The following ARNT variants were observed in gnomAD, a reference collection of about 807,000 sequenced individuals.
The protein encoded by ARNT is class E basic helix-loop-helix protein 2.
ARNT carries 30 observed loss-of-function variants against 105.0 expected under a neutral mutation model. The ratio of observed to expected loss-of-function variants is 0.29; its 90% CI spans 0.21 to 0.39. The LOEUF (loss-of-function observed/expected upper bound fraction) is 0.39. Among genes scored for constraint, ARNT ranks in the 10% least tolerant of loss-of-function variants. ARNT has a pLI of 1.00. For missense variants in ARNT, 748 were observed against 978.7 expected (o/e 0.76, Z 3.15); for synonymous variants, 304 against 344.0 (o/e 0.88, Z 1.29).
At position 150,814,148 on chromosome 1, in the gene ARNT, A is replaced by C. The variant is rs769627388; in HGVS notation, c.2042T>G (p.Leu681Arg). 7.4e-6 allele frequency: 12 copies of C among 1,614,054 alleles called. No homozygotes were observed. Among genetic ancestry groups the C allele is most frequent in the Admixed American group, 1.7e-5 (1 of 60,006 alleles). The change falls in exon 20 of 22, where the codon CTC becomes CGC. Residue 681 changes from leucine to arginine, a missense_variant. Around this residue, in one of 4 missense-constraint regions of ARNT, gnomAD observed 360 missense variants for 411.9 expected, o/e 0.87. Coordinates refer to ENST00000358595, the MANE Select transcript of ARNT (RefSeq NM_001668.4). ...AGGCGATGCAGTTGGGGCACCAGGG[A>C]GGGACATGGAGCTGAAGGAGGATGG... ...QTPSSFSSMS[L>R]PGAPTASPGA...
chr1:150,846,115 T>G, intron 4 of ARNT, 148 bp downstream of exon 4: 1 of 618,176 alleles, frequency 1.6e-6, no homozygotes, highest in Non-Finnish European at 2.8e-6. Context: ...GTTATAATAC[T>G]AAGTTTCACA....
chr1:150,842,680 T>C (rs2101998425), intron 4 of ARNT, among the ~76,000 whole-genome samples: 1 of 152,216 alleles, frequency 6.6e-6, no homozygotes, highest in African/African-American at 2.4e-5. Context: ...ACCTTGCCTG[T>C]AACTCTACAA....
chr1:150,845,087 G>A (rs1661952376), intron 4 of ARNT, among the ~76,000 whole-genome samples: 1 of 151,926 alleles, frequency 6.6e-6, no homozygotes, highest in Admixed American at 6.6e-5. Flanking sequence ...TGGAATTACA[G>A]GCATATGCCA....
intron 5 of ARNT, 24 bp downstream of exon 5, chr1:150,842,400 T>C (rs1383503830): frequency 1.9e-6 from 3 of 1,609,646 alleles, no homozygotes; most frequent in East Asian, 4.5e-5. Flanking sequence ...TGCTTCATCA[T>C]GCTAAAAGAC....
At chr1:150,855,645 T>C (rs1215288516) in intron 2 of ARNT, among the ~76,000 whole-genome samples, 1 of 151,914 alleles carries the variant, frequency 6.6e-6, no homozygotes, top group Admixed American at 6.6e-5. Flanking sequence ...GTCATGTCTG[T>C]AATCCCAACA....
At chr1:150,817,667 G>C (rs1656175838) in intron 15 of ARNT, among the ~76,000 whole-genome samples, 1 of 151,952 alleles carries the variant, frequency 6.6e-6, no homozygotes, top group Admixed American at 6.6e-5. Flanking sequence ...AAATTAGCCG[G>C]GGGTGGTGGC....
intron 15 of ARNT, 27 bp from the exon 16 acceptor site, chr1:150,817,460 A>C: frequency 6.2e-7 from 1 of 1,606,850 alleles, no homozygotes; most frequent in Non-Finnish European, 8.5e-7. Flanking sequence ...AGTTGACAAG[A>C]CAAATAGAAA....
chr1:150,817,916 T>C lies in ARNT; in HGVS notation c.1505+4A>G, dbSNP rs1656260359. ...CAACAGATGATTATTTCACCCTTTT[T>C]TACCTGGGTGCCAGCTGTCCTGAGC... On this transcript the variant is annotated splice_donor_region_variant and intron_variant, in intron 15 of 21. Coordinates refer to ENST00000358595, the MANE Select transcript of ARNT (RefSeq NM_001668.4). The C allele has an allele frequency of 6.2e-7, 1 of 1,605,116 alleles. No homozygotes were observed. The highest frequency in any genetic ancestry group is 1.1e-5 in the South Asian group (1 of 89,798).
At chr1:150,843,106 A>G (rs1020242131) in intron 4 of ARNT, among the ~76,000 whole-genome samples, 3 of 152,212 alleles carry the variant, frequency 2.0e-5, no homozygotes, top group Non-Finnish European at 4.4e-5. Flanking sequence ...GGTTTCTGGC[A>G]TATCTTCTAT....
chr1:150,829,771 T>C, intron 11 of ARNT, 133 bp downstream of exon 11: 1 of 966,820 alleles, frequency 1.0e-6, no homozygotes, highest in Non-Finnish European at 1.5e-6. Flanking sequence ...ATAAATGCCA[T>C]ATTCCTTCAA....
intron 5 of ARNT, 76 bp downstream of exon 5, chr1:150,842,347 GA>G (rs1661436130): frequency 6.4e-7 from 1 of 1,554,888 alleles, no homozygotes; most frequent in Admixed American, 2.0e-5. Context: ...GAAAGGGGAA[GA>G]AAAGAAAGAG....
At position 150,828,850 on chromosome 1, in the gene ARNT, AC is replaced by A. The variant is rs377762077; in HGVS notation, c.1167+242del. On this transcript the variant is annotated intron_variant, in intron 12 of 21. Transcript: ENST00000358595. ...CTTTGAATCATCTGTATTAATATCA[AC>A]AACAAAAAATAAATACATATTTGTA... is the stretch of plus-strand genomic sequence containing the variant. 2.3e-3 allele frequency among the ~76,000 whole-genome samples: 354 copies of A among 152,334 alleles called. 1 individual carries two copies. Among genetic ancestry groups the A allele is most frequent in the Middle Eastern group, 0.01 (3 of 294 alleles).
intron 4 of ARNT, among the ~76,000 whole-genome samples, chr1:150,842,967 C>G (rs1046430593): frequency 6.6e-6 from 1 of 152,136 alleles, no homozygotes; most frequent in African/African-American, 2.4e-5. Context: ...AAAGATGATA[C>G]TATCAAACAA....
At chr1:150,852,427 T>C (rs1360489212) in intron 3 of ARNT, among the ~76,000 whole-genome samples, 3 of 152,092 alleles carry the variant, frequency 2.0e-5, no homozygotes, top group African/African-American at 7.2e-5. Context: ...CAGCTGAGAA[T>C]GCAGTCTTAT....
chr1:150,857,911 T>C (rs1229587373), intron 2 of ARNT, among the ~76,000 whole-genome samples: 1 of 152,200 alleles, frequency 6.6e-6, no homozygotes, highest in Non-Finnish European at 1.5e-5. Context: ...ATAAATACTT[T>C]TGGAGCTGAA....
In ARNT at chr1:150,817,119, A is replaced by C; in HGVS notation, c.1662T>G (p.Asp554Glu). The C allele has an allele frequency of 6.2e-7, 1 of 1,614,158 alleles. No individual in the cohort carries two copies. The highest frequency in any genetic ancestry group is 1.7e-5 in the Admixed American group (1 of 60,020). ...TGTGATAGATTTCTGAAAATCTTGGATCTCTATCCTGGGCAAATAAACCAT... is the reference window on the plus strand; with the variant it reads ...TGTGATAGATTTCTGAAAATCTTGGCTCTCTATCCTGGGCAAATAAACCAT... ...KSDGLFAQDR[D>E]PRFSEIYHNI... Residue 554 changes from aspartate (D) to glutamate (E), a missense_variant, in exon 17 of 22, where the codon GAT becomes GAG. By Grantham distance (45) the Asp-to-Glu change is conservative. Around this residue, in one of 4 missense-constraint regions of ARNT, gnomAD observed 360 missense variants for 411.9 expected, o/e 0.87. Transcript: ENST00000358595.
chr1:150,821,803 C>T (rs1351689011), intron 14 of ARNT, among the ~76,000 whole-genome samples: 1 of 150,702 alleles, frequency 6.6e-6, no homozygotes, highest in African/African-American at 2.4e-5. Context: ...CGTGTGCCAC[C>T]ATGCCCAGCT....
chr1:150,820,915 A>G (rs1656922484), intron 14 of ARNT, among the ~76,000 whole-genome samples: 2 of 152,216 alleles, frequency 1.3e-5, no homozygotes, highest in Non-Finnish European at 2.9e-5. Flanking sequence ...CCCCTGTGCC[A>G]TCGAAAATTC....
intron 10 of ARNT, among the ~76,000 whole-genome samples, chr1:150,830,689 G>T (rs915649036): frequency 1.3e-5 from 2 of 152,102 alleles, no homozygotes; most frequent in African/African-American, 4.8e-5. Flanking sequence ...AACCCAAAAT[G>T]AAGTTATACC....
Sources: allele counts gnomAD v4.1 joint callset (sites outside exome capture counted in the v4.1 genomes callset), GRCh38; gene constraint gnomAD v4.1.1; regional missense constraint gnomAD v4.1.1; transcripts MANE v1.5; gene names NCBI Gene and HGNC (gene_info 2026-07-23, HGNC 2026-07-21).